The following ZC3HAV1L variants were observed in gnomAD, a reference collection of about 807,000 sequenced individuals.
ZC3HAV1L encodes the protein zinc finger CCCH-type antiviral protein 1-like.
ZC3HAV1L carries 23 observed loss-of-function variants against 28.2 expected under a neutral mutation model. That is an observed-to-expected ratio of 0.82 (90% CI 0.59 to 1.16). ZC3HAV1L has a LOEUF of 1.16. Among genes scored for constraint, ZC3HAV1L ranks in the 50% most tolerant of loss-of-function variants. The pLI is 0.00. For synonymous variants in ZC3HAV1L, 180 were observed against 163.4 expected (o/e 1.10, Z -0.78); for missense variants, 376 against 387.7 (o/e 0.97, Z 0.25).
chr7:139,035,902 T>C lies in ZC3HAV1L; in HGVS notation c.116A>G (p.Asp39Gly). The change falls in exon 1 of 5, where the codon GAC becomes GGC. Residue 39 changes from aspartate to glycine, a missense_variant. Coordinates refer to ENST00000275766, the MANE Select transcript of ZC3HAV1L (RefSeq NM_080660.4). ...CTCGGGCCCGGCGCGCTGCAGCACG[T>C]CCCGGAGCCTGGCCTCCGACAGCTC... Reference protein sequence around the residue: ...HVELSEARLRDVLQRAGPERF... With the variant: ...HVELSEARLRGVLQRAGPERF... 6.6e-7 allele frequency: 1 copy of C among 1,512,422 alleles called. No individual in the cohort carries two copies. Among genetic ancestry groups the C allele is most frequent in the South Asian group, 1.2e-5 (1 of 81,564 alleles). 93.7% of individuals were successfully genotyped at this position (1,512,422 alleles called of 1,614,324 possible).
Position 139,034,509 on chromosome 7 carries a change from A to C in ZC3HAV1L, c.501+34T>G. 5.0e-6 allele frequency: 8 copies of C among 1,606,676 alleles called. 1 individual carries two copies. The highest frequency in any genetic ancestry group is 6.8e-6 in the Non-Finnish European group (8 of 1,175,226). ...ATAAATGGGGAAAGTACTTGTAGCA[A>C]ATGTGACATGAGGGTGACTCCTTGG... On this transcript the variant is annotated intron_variant, in intron 2 of 4. Coordinates refer to ENST00000275766, the MANE Select transcript of ZC3HAV1L (RefSeq NM_080660.4).
In ZC3HAV1L at chr7:139,031,631, G is replaced by A. The variant is rs115336634; in HGVS notation, c.502-2671C>T. On this transcript the variant is annotated intron_variant, in intron 2 of 4. Coordinates refer to ENST00000275766, the MANE Select transcript of ZC3HAV1L (RefSeq NM_080660.4). ...AAAAAAAAGTATCTGGGGGCCAGGC[G>A]CTATGGCTCACGCCTGTTATCCCAG... is the stretch of plus-strand genomic sequence containing the variant. Among the ~76,000 whole-genome samples, 681 of 151,282 alleles carry A rather than the reference G, an allele frequency of 4.5e-3. 2 individuals carry two copies. Among genetic ancestry groups the A allele is most frequent in the African/African-American group, 0.016 (653 of 41,206 alleles).
In ZC3HAV1L at chr7:139,025,725, T is replaced by C. The variant is rs1213950730; in HGVS notation, c.*819A>G. ...CCAGAAAACTATTCACTCATACATA[T>C]ATTTTTAAAAATGCAAATGACAGTA... On this transcript the variant is annotated 3_prime_UTR_variant, in exon 5 of 5. Coordinates refer to ENST00000275766, the MANE Select transcript of ZC3HAV1L (RefSeq NM_080660.4). 2.0e-5 allele frequency: 3 copies of C among 152,052 alleles called. No homozygotes were observed. The highest frequency in any genetic ancestry group is 7.3e-5 in the African/African-American group (3 of 41,298). The allele number at this position is 152,052 out of a possible 1,614,324, so 9.4% of individuals were successfully genotyped here.
chr7:139,033,029 G>A (rs1303946054), intron 2 of ZC3HAV1L, among the ~76,000 whole-genome samples: 1 of 152,090 alleles, frequency 6.6e-6, no homozygotes, highest in East Asian at 1.9e-4. Flanking sequence ...CCAACATGGT[G>A]AAACGCTATC....
At chr7:139,022,145 C>A (rs1409435537), downstream of ZC3HAV1L, among the ~76,000 whole-genome samples, 1 of 151,954 alleles carries the variant, frequency 6.6e-6, no homozygotes, top group Admixed American at 6.6e-5. Flanking sequence ...TAAATGTAAG[C>A]CTTAAAGAGT....
intron 4 of ZC3HAV1L, 27 bp downstream of exon 4, chr7:139,026,681 A>G (rs1815360834): frequency 6.2e-7 from 1 of 1,613,040 alleles, no homozygotes; most frequent in South Asian, 1.1e-5. Context: ...GCTTCTTCTT[A>G]GTTCACTGAC....
chr7:139,027,102 G>C (rs1259421962), intron 3 of ZC3HAV1L, among the ~76,000 whole-genome samples: 1 of 151,524 alleles, frequency 6.6e-6, no homozygotes, highest in African/African-American at 2.4e-5. Flanking sequence ...GCATAGGGTA[G>C]AAGGTACCTG....
intron 1 of ZC3HAV1L, chr7:139,035,072 C>G (rs1351635194): frequency 1.0e-6 from 1 of 985,332 alleles, no homozygotes; most frequent in Non-Finnish European, 1.2e-6. Flanking sequence ...AAGGAAAATT[C>G]GGGGCTGTGA....
intron 1 of ZC3HAV1L, 197 bp downstream of exon 1, chr7:139,035,456 G>T (rs1047347357): frequency 1.0e-6 from 1 of 985,278 alleles, no homozygotes; most frequent in Admixed American, 6.1e-5. Context: ...CCATGGAGAG[G>T]ACCTTCGCGC....
chr7:139,035,802 C>A lies in ZC3HAV1L; in HGVS notation c.216G>T (p.Val72=). 6.7e-7 allele frequency: 1 copy of A among 1,487,868 alleles called. No homozygotes were observed. Among genetic ancestry groups the A allele is most frequent in the Non-Finnish European group, 8.9e-7 (1 of 1,127,814 alleles). The allele number at this position is 1,487,868 out of a possible 1,614,324, so 92.2% of individuals were successfully genotyped here. Residue 72 remains valine, a synonymous_variant, in exon 1 of 5, where the codon GTG becomes GTT. Transcript: ENST00000275766. ...TCCAGGCGGAGGTGCCGCCACCGCCCACCGCGCCGGCCGCCGCCTCGGCCT... is the reference window on the plus strand; with the variant it reads ...TCCAGGCGGAGGTGCCGCCACCGCCAACCGCGCCGGCCGCCGCCTCGGCCT... ...DAEAEAAAGA[V]GGGGTSAWRV...
chr7:139,030,513 C>A (rs547940092), intron 2 of ZC3HAV1L, among the ~76,000 whole-genome samples: 7 of 151,866 alleles, frequency 4.6e-5, no homozygotes, highest in Non-Finnish European at 1.0e-4. Context: ...CCAGCCTGGG[C>A]GACAGAGCGA....
intron 2 of ZC3HAV1L, 127 bp downstream of exon 2, chr7:139,034,416 A>G: frequency 7.1e-7 from 1 of 1,414,166 alleles, no homozygotes. Context: ...GGGTACCTTT[A>G]AAGCATTTGA....
Position 139,028,980 on chromosome 7 carries a change from A to T in ZC3HAV1L, c.502-20T>A, listed in dbSNP as rs1815443152. On this transcript the variant is annotated intron_variant, in intron 2 of 4. Transcript: ENST00000275766. Reference sequence around the variant, plus strand: ...ACAGACCTGGTACAGAAATGAGGGAACACCTGAAATATTAGTTTTTCTTTT... The same window carrying T: ...ACAGACCTGGTACAGAAATGAGGGATCACCTGAAATATTAGTTTTTCTTTT... The T allele has an allele frequency of 6.3e-7, 1 of 1,595,434 alleles. No homozygotes were observed. The highest frequency in any genetic ancestry group is 1.7e-5 in the Admixed American group (1 of 57,402).
In ZC3HAV1L at chr7:139,026,771, C is replaced by T. The variant is rs752303604; in HGVS notation, c.823G>A (p.Gly275Arg). 6.2e-7 allele frequency: 1 copy of T among 1,614,200 alleles called. No individual in the cohort carries two copies. Among genetic ancestry groups the T allele is most frequent in the East Asian group, 2.2e-5 (1 of 44,884 alleles). ...GCCAGAGGACCAGCTTCTGCAGCTC[C>T]AGCTGCGTGCACTCCTTGCTTCTCA... ...GLEKQGVHAA[G>R]AAEAGPLASV... The change falls in exon 4 of 5, where the codon GGA (glycine) becomes AGA (arginine). Residue 275 changes from glycine to arginine, a missense_variant. Coordinates refer to ENST00000275766, the MANE Select transcript of ZC3HAV1L (RefSeq NM_080660.4).
intron 2 of ZC3HAV1L, among the ~76,000 whole-genome samples, chr7:139,030,672 C>A (rs945508315): frequency 4.0e-5 from 6 of 151,160 alleles, no homozygotes; most frequent in African/African-American, 1.5e-4. Flanking sequence ...ACCAAAAATA[C>A]AAAAATTAGC....
intron 2 of ZC3HAV1L, among the ~76,000 whole-genome samples, chr7:139,031,368 T>G (rs1339221828): frequency 1.3e-5 from 2 of 152,156 alleles, no homozygotes; most frequent in Admixed American, 6.5e-5. Context: ...GCGGATTGCC[T>G]GAGCTCAGGA....
At chr7:139,024,131 C>T (rs899851659), downstream of ZC3HAV1L, among the ~76,000 whole-genome samples, 2 of 152,030 alleles carry the variant, frequency 1.3e-5, no homozygotes, top group East Asian at 1.9e-4. Context: ...TCAAAAACCC[C>T]GATAAATTAC....
At chr7:139,021,857 T>G (rs1272015141), downstream of ZC3HAV1L, among the ~76,000 whole-genome samples, 1 of 151,838 alleles carries the variant, frequency 6.6e-6, no homozygotes, top group South Asian at 2.1e-4. Flanking sequence ...AAAAACAAAA[T>G]AGAAATACCT....
At chr7:139,030,624 C>G (rs1815497731) in intron 2 of ZC3HAV1L, among the ~76,000 whole-genome samples, 1 of 151,556 alleles carries the variant, frequency 6.6e-6, no homozygotes, top group Non-Finnish European at 1.5e-5. Flanking sequence ...GTCAGGAGTT[C>G]AAGACCAGCC....
Sources: gnomAD v4.1 joint callset for allele counts (sites outside exome capture counted in the v4.1 genomes callset) on GRCh38, gnomAD v4.1.1 for gene constraint, MANE v1.5 for transcripts, NCBI Gene and HGNC (gene_info 2026-07-23, HGNC 2026-07-21) for gene names.